Variants in MCPH1 observed in about 807,000 individuals in gnomAD.
The protein encoded by MCPH1 is microcephalin 1.
A neutral mutation model predicts 84.5 loss-of-function variants in MCPH1; 104 were observed. The ratio of observed to expected loss-of-function variants is 1.23; its 90% CI spans 1.05 to 1.45. MCPH1 has a LOEUF of 1.45. Among genes scored for constraint, MCPH1 ranks in the 40% most tolerant of loss-of-function variants. MCPH1 has a pLI of 0.00. For missense variants in MCPH1, 1,498 were observed against 1,005.7 expected, an observed-to-expected ratio of 1.49 and a Z score of -6.62; for synonymous variants, 514 against 366.8, an observed-to-expected ratio of 1.40 and a Z score of -4.58.
intron 12 of MCPH1, among the ~76,000 whole-genome samples, chr8:6,576,446 G>A (rs943649482): frequency 1.3e-5 from 2 of 151,956 alleles, no homozygotes; most frequent in Non-Finnish European, 2.9e-5. Context: ...ATGAGGCCAG[G>A]CCTTATTGGA....
chr8:6,462,618 AG>A (rs1806404834), intron 9 of MCPH1, among the ~76,000 whole-genome samples: 1 of 152,196 alleles, frequency 6.6e-6, no homozygotes, highest in Non-Finnish European at 1.5e-5. Context: ...CATTGCCCCC[AG>A]AGCCAGATGC....
At chr8:6,536,064 G>GA (rs1028505297) in intron 12 of MCPH1, among the ~76,000 whole-genome samples, 11 of 151,654 alleles carry the variant, frequency 7.3e-5, no homozygotes, top group South Asian at 2.1e-4. Flanking sequence ...CTCAAAAAAA[G>GA]AAAAAAATTA....
intron 8 of MCPH1, among the ~76,000 whole-genome samples, chr8:6,453,101 C>T (rs1408944302): frequency 6.6e-6 from 1 of 152,168 alleles, no homozygotes; most frequent in East Asian, 1.9e-4. Flanking sequence ...AAAAACCACA[C>T]TTAGGAGCAA....
intron 12 of MCPH1, among the ~76,000 whole-genome samples, chr8:6,561,365 AACATTCATTC>A (rs1244045040): frequency 6.6e-6 from 1 of 152,226 alleles, no homozygotes; most frequent in Non-Finnish European, 1.5e-5. Context: ...TGGTGCTGGG[AACATTCATTC>A]ACATTCATTC....
intron 3 of MCPH1, among the ~76,000 whole-genome samples, chr8:6,416,524 A>C (rs1799325952): frequency 1.3e-5 from 2 of 152,170 alleles, no homozygotes; most frequent in African/African-American, 2.4e-5. Flanking sequence ...CTGATTATTA[A>C]AGGAAGTTAG....
chr8:6,423,557 A>G (rs1400355436), intron 3 of MCPH1, among the ~76,000 whole-genome samples: 1 of 152,232 alleles, frequency 6.6e-6, no homozygotes, highest in Non-Finnish European at 1.5e-5. Context: ...ATTTTGTAGT[A>G]GCTGTCCAGT....
At chr8:6,586,875 G>A (rs531425147) in intron 12 of MCPH1, among the ~76,000 whole-genome samples, 8 of 152,172 alleles carry the variant, frequency 5.3e-5, no homozygotes, top group South Asian at 2.1e-4. Context: ...TAAACCACCC[G>A]TAATGTAGAC....
intron 13 of MCPH1, chr8:6,642,679 G>A: frequency 2.2e-6 from 1 of 444,456 alleles, no homozygotes; most frequent in Admixed American, 3.4e-5. Context: ...CTATGTCACA[G>A]ACTGGCAAGC....
intron 11 of MCPH1, among the ~76,000 whole-genome samples, chr8:6,495,662 C>T (rs900619970): frequency 6.6e-6 from 1 of 152,196 alleles, no homozygotes; most frequent in African/African-American, 2.4e-5. Context: ...TGTGTTTCTA[C>T]ACCTTCCATA....
At chr8:6,568,602 A>G (rs1406178292) in intron 12 of MCPH1, among the ~76,000 whole-genome samples, 19 of 152,206 alleles carry the variant, frequency 1.2e-4, no homozygotes, top group Non-Finnish European at 2.4e-4. Flanking sequence ...CCAGCAATGC[A>G]TTGCCAGCGT....
chr8:6,533,602 A>G (rs1355830233), intron 12 of MCPH1, among the ~76,000 whole-genome samples: 1 of 136,534 alleles, frequency 7.3e-6, no homozygotes, highest in African/African-American at 2.7e-5. Context: ...TAAATAATCT[A>G]ATGATGGGAA....
rs866845361 is a variant in MCPH1 at position 6,569,602 on chromosome 8, A to G, written c.2215-51852A>G. Among the ~76,000 whole-genome samples, 3 of 152,346 alleles carry G rather than the reference A, an allele frequency of 2.0e-5. No individual in the cohort carries two copies. In the East Asian group the frequency reaches 5.8e-4, roughly 29 times the overall value. ...AACATGTAAGGTAGCTTTGGTCCCT[A>G]TAACAGACAAGGAAATCAAGGCTCC... On this transcript the variant is annotated intron_variant, in intron 12 of 13. Transcript: ENST00000344683.
At chr8:6,428,899 C>T (rs1030275213) in intron 3 of MCPH1, among the ~76,000 whole-genome samples, 8 of 107,344 alleles carry the variant, frequency 7.5e-5, no homozygotes, top group African/African-American at 1.4e-4. Context: ...ATAAGCTGTT[C>T]GGTGACCTCC....
chr8:6,445,585 TAAAC>T, intron 8 of MCPH1, 38 bp downstream of exon 8: 1 of 1,545,582 alleles, frequency 6.5e-7, no homozygotes, highest in Middle Eastern at 1.7e-4. Context: ...CTTCGCTAAA[TAAAC>T]ATGTAACAGT....
At chr8:6,447,398 T>C (rs1434245575) in intron 8 of MCPH1, 1 of 985,308 alleles carries the variant, frequency 1.0e-6, no homozygotes, top group Non-Finnish European at 1.2e-6. Context: ...AAGGGCTTTT[T>C]GCCATTTCTG....
chr8:6,474,297 T>C (rs906764217), intron 9 of MCPH1: 1 of 517,018 alleles, frequency 1.9e-6, no homozygotes, highest in Non-Finnish European at 3.5e-6. Flanking sequence ...GATTCTGATA[T>C]GTGGTTTTTC....
chr8:6,472,625 C>G (rs1240778309), intron 9 of MCPH1, among the ~76,000 whole-genome samples: 1 of 152,026 alleles, frequency 6.6e-6, no homozygotes, highest in African/African-American at 2.4e-5. Context: ...TGCCACCATG[C>G]CTGGCTAATT....
chr8:6,499,584 A>C, intron 11 of MCPH1: 1 of 267,498 alleles, frequency 3.7e-6, no homozygotes, highest in Non-Finnish European at 7.2e-6. Flanking sequence ...TATGTGTAAA[A>C]ACAGGATAAT....
chr8:6,603,903 G>C (rs982321826), intron 12 of MCPH1, among the ~76,000 whole-genome samples: 1 of 152,050 alleles, frequency 6.6e-6, no homozygotes, highest in African/African-American at 2.4e-5. Context: ...TACAATGCTT[G>C]ATTTGCAAGT....
Sources: gnomAD v4.1 joint callset for allele counts (sites outside exome capture counted in the v4.1 genomes callset) on GRCh38, gnomAD v4.1.1 for gene constraint, MANE v1.5 for transcripts, NCBI Gene and HGNC (gene_info 2026-07-23, HGNC 2026-07-21) for gene names.